SSBP3: variants seen among roughly 807,000 people sequenced by gnomAD.
The protein encoded by SSBP3 is single-stranded DNA-binding protein 3.
SSBP3 carries 5 observed loss-of-function variants against 69.6 expected under a neutral mutation model. That is an observed-to-expected ratio of 0.07 (90% confidence interval 0.04 to 0.15). The LOEUF is 0.15. SSBP3 is among the 10% of genes least tolerant of loss of function. SSBP3 has a pLI of 1.00. For synonymous variants in SSBP3, 196 were observed against 193.4 expected (o/e 1.01, Z -0.11); for missense variants, 312 against 534.0 (o/e 0.58, Z 4.10).
chr1:54,305,236 A>C (rs6695534), intron 4 of SSBP3, among the ~76,000 whole-genome samples: 100,810 of 152,068 alleles, frequency 0.66, 33,938 homozygotes, highest in African/African-American at 0.77. Flanking sequence ...AAAGACATTC[A>C]GTAGCTGTGA....
intron 5 of SSBP3, among the ~76,000 whole-genome samples, chr1:54,270,540 C>T (rs980730079): frequency 3.9e-5 from 6 of 152,126 alleles, no homozygotes; most frequent in East Asian, 1.9e-4. Flanking sequence ...AAAAAGCTAG[C>T]GGATCTCAAA....
At chr1:54,308,516 G>T (rs889502469) in intron 4 of SSBP3, among the ~76,000 whole-genome samples, 1 of 151,546 alleles carries the variant, frequency 6.6e-6, no homozygotes, top group Non-Finnish European at 1.5e-5. Flanking sequence ...CAGGAGAATG[G>T]CGTGAACCCG....
chr1:54,249,936 T>C (rs1174192969), intron 9 of SSBP3, among the ~76,000 whole-genome samples: 1 of 152,084 alleles, frequency 6.6e-6, no homozygotes, highest in Non-Finnish European at 1.5e-5. Flanking sequence ...CTCCTCAGAT[T>C]CCATCCTCCT....
chr1:54,331,328 G>A (rs1420294439), intron 4 of SSBP3, among the ~76,000 whole-genome samples: 2 of 152,184 alleles, frequency 1.3e-5, no homozygotes, highest in Non-Finnish European at 2.9e-5. Flanking sequence ...GGTTAAGGAA[G>A]AGGAAGAAAA....
At chr1:54,337,106 C>T (rs1042514297) in intron 4 of SSBP3, among the ~76,000 whole-genome samples, 2 of 152,240 alleles carry the variant, frequency 1.3e-5, no homozygotes, top group South Asian at 2.1e-4. Context: ...TCTGGGCTTC[C>T]GCTGTCTTCT....
chr1:54,274,264 A>G (rs1645246380), intron 5 of SSBP3, among the ~76,000 whole-genome samples: 1 of 152,222 alleles, frequency 6.6e-6, no homozygotes, highest in Non-Finnish European at 1.5e-5. Context: ...CAACTGGCCA[A>G]TTTGAGCCTC....
intron 4 of SSBP3, among the ~76,000 whole-genome samples, chr1:54,298,224 T>C (rs1043582201): frequency 1.3e-5 from 2 of 152,150 alleles, no homozygotes; most frequent in Non-Finnish European, 2.9e-5. Flanking sequence ...AGAAGAGCGC[T>C]GCCCTGCCCC....
upstream of SSBP3, among the ~76,000 whole-genome samples, chr1:54,409,863 G>A (rs957505563): frequency 2.6e-5 from 4 of 151,976 alleles, no homozygotes; most frequent in Non-Finnish European, 4.4e-5. Context: ...TCCTTACCCC[G>A]TGGAACTTAC....
At chr1:54,307,714 C>T (rs1241575113) in intron 4 of SSBP3, among the ~76,000 whole-genome samples, 1 of 152,156 alleles carries the variant, frequency 6.6e-6, no homozygotes, top group East Asian at 1.9e-4. Flanking sequence ...CCTACCAAAA[C>T]CAAGATGGCG....
At chr1:54,243,748 G>T (rs192347754) in intron 9 of SSBP3, among the ~76,000 whole-genome samples, 2 of 152,156 alleles carry the variant, frequency 1.3e-5, no homozygotes, top group Admixed American at 1.3e-4. Flanking sequence ...TGAGAAGCCT[G>T]CCCGAGGCTG....
chr1:54,298,295 G>A (rs1011357911), intron 4 of SSBP3, among the ~76,000 whole-genome samples: 4 of 152,174 alleles, frequency 2.6e-5, no homozygotes, highest in African/African-American at 4.8e-5. Flanking sequence ...CTACCATGCC[G>A]TACGGTCACA....
chr1:54,252,600 TG>T (rs1297584995), intron 7 of SSBP3, among the ~76,000 whole-genome samples: 15 of 152,158 alleles, frequency 9.9e-5, no homozygotes, highest in African/African-American at 3.6e-4. Flanking sequence ...GCTCCAGAGC[TG>T]GGGCCATCGG....
chr1:54,268,243 G>A (rs1262790588), intron 5 of SSBP3, among the ~76,000 whole-genome samples: 1 of 152,228 alleles, frequency 6.6e-6, no homozygotes, highest in East Asian at 1.9e-4. Context: ...CCCCAGAACA[G>A]ATTTCCTTCA....
intron 3 of SSBP3, among the ~76,000 whole-genome samples, chr1:54,402,915 G>A (rs1024593347): frequency 9.9e-5 from 15 of 152,280 alleles, no homozygotes; most frequent in African/African-American, 3.4e-4. Flanking sequence ...AAGCTTAAAG[G>A]GTAAAGTGGG....
At chr1:54,342,189 T>G (rs1646620951) in intron 4 of SSBP3, among the ~76,000 whole-genome samples, 1 of 152,258 alleles carries the variant, frequency 6.6e-6, no homozygotes, top group Non-Finnish European at 1.5e-5. Flanking sequence ...CATCCAGGTC[T>G]GGAACTGGAA....
At chr1:54,408,801 G>A (rs1354973707), upstream of SSBP3, among the ~76,000 whole-genome samples, 1 of 152,234 alleles carries the variant, frequency 6.6e-6, no homozygotes, top group African/African-American at 2.4e-5. Flanking sequence ...GTGGCAAGAA[G>A]AGAGGGGTAG....
At chr1:54,404,488 G>T in intron 3 of SSBP3, 88 bp downstream of exon 3, 1 of 1,511,760 alleles carries the variant, frequency 6.6e-7, no homozygotes, top group Non-Finnish European at 9.2e-7. Flanking sequence ...AGGGCGGAGG[G>T]CCTGCTCCAA....
intron 9 of SSBP3, among the ~76,000 whole-genome samples, chr1:54,249,105 C>T (rs1644781828): frequency 1.3e-5 from 2 of 152,006 alleles, no homozygotes; most frequent in South Asian, 2.1e-4. Context: ...TGCTGGACTA[C>T]GGGTCAGGGG....
chr1:54,379,623 CG>C (rs1647459310), intron 4 of SSBP3, among the ~76,000 whole-genome samples: 1 of 152,180 alleles, frequency 6.6e-6, no homozygotes, highest in Non-Finnish European at 1.5e-5. Context: ...AAGAAAGAGG[CG>C]GTACAATGGT....
Sources: gnomAD v4.1 joint callset for allele counts (sites outside exome capture counted in the v4.1 genomes callset) on GRCh38, gnomAD v4.1.1 for gene constraint, MANE v1.5 for transcripts, NCBI Gene and HGNC (gene_info 2026-07-23, HGNC 2026-07-21) for gene names.